The following EBF1 variants were observed in gnomAD, a reference collection of about 807,000 sequenced individuals.
EBF1 encodes EBF transcription factor 1.
A neutral mutation model predicts 68.4 loss-of-function variants in EBF1; 10 were observed. That is an observed-to-expected ratio of 0.15 (90% CI 0.09 to 0.25). EBF1 has a LOEUF of 0.25. Among genes scored for constraint, EBF1 ranks in the 10% least tolerant of loss-of-function variants. EBF1 has a pLI of 1.00. For synonymous variants in EBF1, 298 were observed against 299.8 expected (o/e 0.99, Z 0.06); for missense variants, 509 against 794.4 (o/e 0.64, Z 4.32).
At chr5:158,847,307 T>A (rs1791709786) in intron 6 of EBF1, among the ~76,000 whole-genome samples, 1 of 152,184 alleles carries the variant, frequency 6.6e-6, no homozygotes, top group Non-Finnish European at 1.5e-5. Flanking sequence ...AAGGACGCAC[T>A]CCACGTAGGT....
In EBF1 at chr5:158,743,021, C is replaced by G. The variant is rs183550179; in HGVS notation, c.1037-11864G>C. 2.0e-3 allele frequency among the ~76,000 whole-genome samples: 304 copies of G among 152,246 alleles called. 2 individuals carry two copies. The highest frequency in any genetic ancestry group is 6.7e-3 in the African/African-American group (279 of 41,546). ...TGCAAGTCCAGTGCCCTGTGAGTCCCCAGCTGGAAATGATTGATTCCATTT... is the reference window on the plus strand; with the variant it reads ...TGCAAGTCCAGTGCCCTGTGAGTCCGCAGCTGGAAATGATTGATTCCATTT... On this transcript the variant is annotated intron_variant, in intron 10 of 15. Coordinates refer to ENST00000313708, the MANE Select transcript of EBF1 (RefSeq NM_024007.5).
At chr5:158,758,023 A>G (rs995083711) in intron 10 of EBF1, among the ~76,000 whole-genome samples, 1 of 152,156 alleles carries the variant, frequency 6.6e-6, no homozygotes, top group African/African-American at 2.4e-5. Context: ...AACAGCTACC[A>G]TTTTTTGAGT....
chr5:158,980,925 A>G (rs190090585), intron 6 of EBF1, among the ~76,000 whole-genome samples: 8 of 152,336 alleles, frequency 5.3e-5, no homozygotes, highest in East Asian at 1.9e-4. Flanking sequence ...TAAGTTTCAT[A>G]ATAAGGTTAA....
At chr5:158,856,285 C>T (rs893336745) in intron 6 of EBF1, among the ~76,000 whole-genome samples, 15 of 152,310 alleles carry the variant, frequency 9.8e-5, no homozygotes, top group African/African-American at 3.1e-4. Context: ...AATGAGTCTA[C>T]TTCCAAAACC....
chr5:158,850,416 T>C (rs796466361), intron 6 of EBF1, among the ~76,000 whole-genome samples: 9 of 152,306 alleles, frequency 5.9e-5, no homozygotes, highest in African/African-American at 1.7e-4. Context: ...TGAAAGTTCA[T>C]TGAAGTACAG....
chr5:158,906,069 T>C (rs1804518190), intron 6 of EBF1, among the ~76,000 whole-genome samples: 1 of 152,118 alleles, frequency 6.6e-6, no homozygotes, highest in East Asian at 1.9e-4. Flanking sequence ...TTGCCACCAA[T>C]ATACCTAGGT....
chr5:158,831,961 T>C (rs10072727), intron 7 of EBF1, among the ~76,000 whole-genome samples: 113,327 of 152,134 alleles, frequency 0.74, 42,446 homozygotes, highest in South Asian at 0.87. Context: ...CTAAAGCAAA[T>C]AAGAGAAAAA....
chr5:158,760,879 C>T (rs1010349814), intron 10 of EBF1, among the ~76,000 whole-genome samples: 3 of 152,092 alleles, frequency 2.0e-5, no homozygotes, highest in South Asian at 4.1e-4. Context: ...CTGGGAATTC[C>T]GGTACACTAA....
At chr5:158,903,876 C>T (rs1365832853) in intron 6 of EBF1, among the ~76,000 whole-genome samples, 2 of 152,112 alleles carry the variant, frequency 1.3e-5, no homozygotes, top group Non-Finnish European at 2.9e-5. Flanking sequence ...CTGAGGTAAT[C>T]CTTCCCCACC....
At chr5:158,794,132 G>A (rs1779189764) in intron 9 of EBF1, among the ~76,000 whole-genome samples, 1 of 152,140 alleles carries the variant, frequency 6.6e-6, no homozygotes, top group Admixed American at 6.5e-5. Context: ...ACAACCAAGA[G>A]CAGCACGAAA....
chr5:159,071,744 A>G (rs2127938438), intron 6 of EBF1, among the ~76,000 whole-genome samples: 1 of 152,314 alleles, frequency 6.6e-6, no homozygotes, highest in East Asian at 1.9e-4. Flanking sequence ...AGCGAAAAAA[A>G]AAAAAAAGTC....
intron 6 of EBF1, among the ~76,000 whole-genome samples, chr5:158,911,780 C>T (rs542212686): frequency 1.3e-5 from 2 of 152,190 alleles, no homozygotes; most frequent in African/African-American, 4.8e-5. Context: ...AATCTCAGCA[C>T]CCACTCCACA....
chr5:158,912,976 A>C (rs75153286), intron 6 of EBF1, among the ~76,000 whole-genome samples: 68 of 152,332 alleles, frequency 4.5e-4, no homozygotes, highest in African/African-American at 1.6e-3. Flanking sequence ...TATTCCTGGC[A>C]TCACTTTTGG....
At chr5:158,835,521 C>A (rs1283735645) in intron 7 of EBF1, among the ~76,000 whole-genome samples, 1 of 152,158 alleles carries the variant, frequency 6.6e-6, no homozygotes, top group East Asian at 1.9e-4. Flanking sequence ...GCAGATGGCA[C>A]CTTTAGGCTC....
At chr5:159,040,380 C>T (rs1770948311) in intron 6 of EBF1, among the ~76,000 whole-genome samples, 1 of 152,196 alleles carries the variant, frequency 6.6e-6, no homozygotes, top group Non-Finnish European at 1.5e-5. Flanking sequence ...TGGCTATGAT[C>T]CAGATTACAA....
At chr5:158,974,600 G>A (rs1001593619) in intron 6 of EBF1, among the ~76,000 whole-genome samples, 9 of 151,998 alleles carry the variant, frequency 5.9e-5, no homozygotes, top group African/African-American at 1.2e-4. Context: ...TCTTTAAGGC[G>A]CTGTCATGAT....
chr5:158,774,286 ATTC>A (rs2127665853), intron 10 of EBF1, among the ~76,000 whole-genome samples: 1 of 152,126 alleles, frequency 6.6e-6, no homozygotes, highest in Non-Finnish European at 1.5e-5. Flanking sequence ...GCTTGGTCAG[ATTC>A]TTCCCTCCCC....
rs140304313 is a variant in EBF1 at position 158,801,105 on chromosome 5, G to A, written c.779-4630C>T. Among the ~76,000 whole-genome samples the A allele has an allele frequency of 5.4e-3, 825 of 151,964 alleles. 13 individuals are homozygous for A. The highest frequency in any genetic ancestry group is 0.019 in the African/African-American group (796 of 41,460). ...CCTTCCCCCACCCCTCACCAGCCACGAAAGTAGAGGAGATTTTCCTTCCTT... is the reference window on the plus strand; with the variant it reads ...CCTTCCCCCACCCCTCACCAGCCACAAAAGTAGAGGAGATTTTCCTTCCTT... On this transcript the variant is annotated intron_variant, in intron 8 of 15. Transcript: ENST00000313708.
chr5:158,840,571 A>T (rs1308189052), intron 6 of EBF1, among the ~76,000 whole-genome samples: 1 of 148,722 alleles, frequency 6.7e-6, no homozygotes, highest in East Asian at 2.0e-4. Context: ...AAAATGTTTT[A>T]ATTAGTACTA....
Sources: gnomAD v4.1 joint callset for allele counts (sites outside exome capture counted in the v4.1 genomes callset) on GRCh38, gnomAD v4.1.1 for gene constraint, MANE v1.5 for transcripts, NCBI Gene and HGNC (gene_info 2026-07-23, HGNC 2026-07-21) for gene names.